GRIK1: variants seen among roughly 807,000 people sequenced by gnomAD.
GRIK1 encodes the protein glutamate receptor ionotropic, kainate 1.
A neutral mutation model predicts 105.7 loss-of-function variants in GRIK1; 69 were observed. The observed-to-expected ratio is 0.65, with a 90% confidence interval of 0.54 to 0.80. The LOEUF (loss-of-function observed/expected upper bound fraction) is 0.80. Among genes scored for constraint, GRIK1 ranks in the 30% least tolerant of loss-of-function variants. The probability of loss-of-function intolerance (pLI) is 0.00; values close to 1 mark genes in which losing one functional copy is unlikely to be tolerated. For synonymous variants in GRIK1, 438 were observed against 431.3 expected (o/e 1.02, Z -0.19); for missense variants, 1,109 against 1,167.3 (o/e 0.95, Z 0.73).
intron 14 of GRIK1, among the ~76,000 whole-genome samples, chr21:29,570,374 C>T (rs189013281): frequency 1.2e-3 from 178 of 151,954 alleles, no homozygotes; most frequent in African/African-American, 4.1e-3. Context: ...TGGTGGCAGG[C>T]GCCTGTAATC....
chr21:29,623,323 G>C (rs938249588), intron 7 of GRIK1, among the ~76,000 whole-genome samples: 1 of 152,052 alleles, frequency 6.6e-6, no homozygotes, highest in Non-Finnish European at 1.5e-5. Context: ...ACCTCTCACA[G>C]GGTCCTTCCC....
intron 10 of GRIK1, 140 bp from the exon 11 acceptor site, chr21:29,589,182 C>G: frequency 3.3e-6 from 2 of 612,442 alleles, no homozygotes; most frequent in South Asian, 4.0e-5. Context: ...ATCTGCCTGC[C>G]TATGTCCTCT....
At chr21:29,887,527 G>A (rs936017058) in intron 1 of GRIK1, among the ~76,000 whole-genome samples, 3 of 152,168 alleles carry the variant, frequency 2.0e-5, no homozygotes, top group East Asian at 1.9e-4. Context: ...CCATTGCAAG[G>A]GTATCAGAAC....
At chr21:29,877,309 T>C (rs376121235) in intron 1 of GRIK1, among the ~76,000 whole-genome samples, 1 of 152,160 alleles carries the variant, frequency 6.6e-6, no homozygotes, top group Non-Finnish European at 1.5e-5. Flanking sequence ...ATCATTTATA[T>C]AAATCTATTG....
chr21:29,783,653 C>A (rs1360212009), intron 1 of GRIK1, among the ~76,000 whole-genome samples: 1 of 152,074 alleles, frequency 6.6e-6, no homozygotes, highest in Non-Finnish European at 1.5e-5. Context: ...TTTCCAGCCC[C>A]TTTTATTGAC....
In GRIK1 at chr21:29,910,371, A is replaced by G. The variant is rs540540795; in HGVS notation, c.118+29012T>C. Among the ~76,000 whole-genome samples the G allele has an allele frequency of 1.8e-3, 271 of 152,166 alleles. 1 individual carries two copies. Among genetic ancestry groups the G allele is most frequent in the African/African-American group, 6.2e-3 (259 of 41,532 alleles). ...GCCTTGTTCACACTTATATCTCAGGAAGTCAATCTCCGTAAAGCAAAAACA... is the reference window on the plus strand; with the variant it reads ...GCCTTGTTCACACTTATATCTCAGGGAGTCAATCTCCGTAAAGCAAAAACA... On this transcript the variant is annotated intron_variant, in intron 1 of 17. Transcript: ENST00000327783.
chr21:29,690,181 G>A (rs363510), intron 2 of GRIK1, among the ~76,000 whole-genome samples, 196 bp from the exon 3 acceptor site: 32,653 of 152,150 alleles, frequency 0.21, 7,065 homozygotes, highest in African/African-American at 0.54. Context: ...AGCTGCTAAT[G>A]TACTGATAGA....
chr21:29,800,326 G>A (rs1459400628), intron 1 of GRIK1, among the ~76,000 whole-genome samples: 1 of 152,106 alleles, frequency 6.6e-6, no homozygotes, highest in Non-Finnish European at 1.5e-5. Context: ...CAAATCGAAA[G>A]GAAAACAACT....
At chr21:29,647,482 G>A (rs1442075598) in intron 6 of GRIK1, among the ~76,000 whole-genome samples, 1 of 152,178 alleles carries the variant, frequency 6.6e-6, no homozygotes, top group Non-Finnish European at 1.5e-5. Flanking sequence ...TTCCCTGTGG[G>A]TCATGATTAA....
chr21:29,895,534 G>A (rs983543418), intron 1 of GRIK1, among the ~76,000 whole-genome samples: 6 of 152,114 alleles, frequency 3.9e-5, no homozygotes, highest in African/African-American at 1.4e-4. Flanking sequence ...CATGTGTCTG[G>A]AATGCCCTTA....
intron 7 of GRIK1, among the ~76,000 whole-genome samples, chr21:29,634,675 A>C (rs575595211): frequency 6.6e-6 from 1 of 152,162 alleles, no homozygotes; most frequent in African/African-American, 2.4e-5. Context: ...AGAGCTACGG[A>C]GTTGAAAGCA....
intron 1 of GRIK1, among the ~76,000 whole-genome samples, chr21:29,896,490 T>C (rs547780238): frequency 1.3e-5 from 2 of 152,316 alleles, no homozygotes; most frequent in African/African-American, 4.8e-5. Flanking sequence ...ATATCCCCAG[T>C]ATCTAGGACA....
chr21:29,744,343 A>T (rs1334968029), intron 1 of GRIK1, among the ~76,000 whole-genome samples: 1 of 151,952 alleles, frequency 6.6e-6, no homozygotes, highest in East Asian at 1.9e-4. Context: ...CTCTCTAGAG[A>T]TTTCTGTATT....
At chr21:29,685,960 G>A (rs1198803582) in intron 3 of GRIK1, among the ~76,000 whole-genome samples, 1 of 152,180 alleles carries the variant, frequency 6.6e-6, no homozygotes, top group African/African-American at 2.4e-5. Flanking sequence ...TTTCATAGGG[G>A]CCCTGACCCA....
At position 29,591,150 on chromosome 21, in the gene GRIK1, A is replaced by C. The variant is rs1476351135; in HGVS notation, c.1327T>G (p.Ser443Ala). 1 of 1,609,190 alleles carries C rather than the reference A, an allele frequency of 6.2e-7. No individual in the cohort carries two copies. Among genetic ancestry groups the C allele is most frequent in the Non-Finnish European group, 8.5e-7 (1 of 1,175,434 alleles). Residue 443 changes from serine to alanine, a missense_variant, in exon 10 of 18, where the codon TCA (serine) becomes GCA (alanine). Coordinates refer to ENST00000327783, the MANE Select transcript of GRIK1 (RefSeq NM_001330994.2). ...NKDKSSNITDSLANRTLIVTT... is the reference protein window; with the variant it reads ...NKDKSSNITDALANRTLIVTT... ...ACAATGAGTGTTCTGTTGGCCAATG[A>C]ATCAGTGATATTGCTGGACTTGTCT...
intron 15 of GRIK1, among the ~76,000 whole-genome samples, chr21:29,559,215 A>G (rs1203750684): frequency 6.6e-6 from 1 of 152,214 alleles, no homozygotes; most frequent in Non-Finnish European, 1.5e-5. Context: ...TGGTGTTCTC[A>G]TCTGATCTAT....
intron 1 of GRIK1, among the ~76,000 whole-genome samples, chr21:29,801,580 T>TAA (rs1024340354): frequency 6.6e-6 from 1 of 151,988 alleles, no homozygotes; most frequent in Non-Finnish European, 1.5e-5. Context: ...CGGAAATTAG[T>TAA]AAAAAAAGAT....
intron 1 of GRIK1, among the ~76,000 whole-genome samples, chr21:29,757,818 C>T (rs143729546): frequency 7.6e-4 from 116 of 152,286 alleles, no homozygotes; most frequent in African/African-American, 2.6e-3. Context: ...CCCATTAATG[C>T]CAATACTACC....
At chr21:29,672,799 A>G (rs1452946911) in intron 4 of GRIK1, among the ~76,000 whole-genome samples, 184 bp downstream of exon 4, 3 of 152,344 alleles carry the variant, frequency 2.0e-5, no homozygotes, top group Admixed American at 6.5e-5. Flanking sequence ...TATGGCTTCA[A>G]TGAAGCCCCA....
Sources: allele counts gnomAD v4.1 joint callset (sites outside exome capture counted in the v4.1 genomes callset), GRCh38; gene constraint gnomAD v4.1.1; transcripts MANE v1.5; gene names NCBI Gene and HGNC (gene_info 2026-07-23, HGNC 2026-07-21).